Variants in SLC39A11 observed in about 807,000 individuals in gnomAD.
SLC39A11 encodes the protein solute carrier family 39 member 11, also known as zinc transporter ZIP11.
In SLC39A11, 33 loss-of-function variants were observed where a neutral mutation model predicts 36.1. The ratio of observed to expected loss-of-function variants is 0.91; its 90% CI spans 0.69 to 1.22. The LOEUF (loss-of-function observed/expected upper bound fraction) is 1.22, where lower values mean the gene tolerates loss of function less well. SLC39A11 is among the 50% of genes most tolerant of loss of function. The pLI is 0.00. For synonymous variants in SLC39A11, 166 were observed against 170.3 expected (o/e 0.97, Z 0.20); for missense variants, 432 against 430.3 (o/e 1.00, Z -0.03).
At chr17:72,981,929 A>G (rs778402566) in intron 4 of SLC39A11, among the ~76,000 whole-genome samples, 12 of 152,212 alleles carry the variant, frequency 7.9e-5, no homozygotes, top group African/African-American at 1.4e-4. Flanking sequence ...ACACGTGGAA[A>G]GATGCTAAGC....
At chr17:72,934,414 C>T (rs1309024078) in intron 5 of SLC39A11, among the ~76,000 whole-genome samples, 1 of 152,150 alleles carries the variant, frequency 6.6e-6, no homozygotes, top group Non-Finnish European at 1.5e-5. Flanking sequence ...ACTTGTAGTT[C>T]CAGCACTTTG....
rs373040284 is a variant in SLC39A11, at chr17:72,993,525, G to A, written c.306+38031C>T. 7.9e-5 allele frequency among the ~76,000 whole-genome samples: 12 copies of A among 152,284 alleles called. No homozygotes were observed. The East Asian group carries it at 1.5e-3, about 20-fold the overall frequency. ...CTTCGCCTGGGAGCATTTTTGCAAAGGGTATATGGTAGATTACAATTTTGG... is the reference window on the plus strand; with the variant it reads ...CTTCGCCTGGGAGCATTTTTGCAAAAGGTATATGGTAGATTACAATTTTGG... On this transcript the variant is annotated intron_variant, in intron 4 of 9. Coordinates refer to ENST00000255559, the MANE Select transcript of SLC39A11 (RefSeq NM_139177.4).
intron 4 of SLC39A11, among the ~76,000 whole-genome samples, chr17:72,962,543 T>A (rs1412049063): frequency 6.6e-6 from 1 of 151,014 alleles, no homozygotes; most frequent in Non-Finnish European, 1.5e-5. Context: ...TTTTTGCTAA[T>A]TTTTTTTTTC....
intron 5 of SLC39A11, among the ~76,000 whole-genome samples, chr17:72,908,356 G>A (rs968408576): frequency 1.3e-5 from 2 of 152,200 alleles, no homozygotes; most frequent in Admixed American, 1.3e-4. Context: ...TTTGGGGGTA[G>A]GTAAAGTCTT....
chr17:72,780,525 G>A (rs759230607), intron 6 of SLC39A11, among the ~76,000 whole-genome samples: 1 of 122,962 alleles, frequency 8.1e-6, no homozygotes, highest in African/African-American at 3.5e-5. Flanking sequence ...GAAGATGGGG[G>A]GCGGGTGGGG....
intron 3 of SLC39A11, among the ~76,000 whole-genome samples, chr17:73,081,768 C>CACATAT (rs2060542300): frequency 5.0e-5 from 4 of 79,364 alleles, no homozygotes; most frequent in East Asian, 3.1e-4. Flanking sequence ...TGGGTATATA[C>CACATAT]ATATATATAT....
At chr17:72,882,702 T>C (rs1000881556) in intron 5 of SLC39A11, among the ~76,000 whole-genome samples, 1 of 152,174 alleles carries the variant, frequency 6.6e-6, no homozygotes, top group Non-Finnish European at 1.5e-5. Context: ...ACTCTAATCA[T>C]TGGCAAGGAA....
chr17:72,737,793 C>A (rs2074495554), intron 6 of SLC39A11, among the ~76,000 whole-genome samples: 1 of 152,110 alleles, frequency 6.6e-6, no homozygotes, highest in South Asian at 2.1e-4. Flanking sequence ...AAACGCCCAT[C>A]CCTAGATCCA....
At chr17:72,933,230 G>A (rs565755706) in intron 5 of SLC39A11, among the ~76,000 whole-genome samples, 29 of 152,290 alleles carry the variant, frequency 1.9e-4, no homozygotes, top group African/African-American at 7.0e-4. Flanking sequence ...TAGTGAGGTT[G>A]GAGGATACAG....
At chr17:72,954,832 C>T (rs1005609773) in intron 4 of SLC39A11, among the ~76,000 whole-genome samples, 2 of 152,196 alleles carry the variant, frequency 1.3e-5, no homozygotes, top group African/African-American at 4.8e-5. Context: ...AGCTAAGAAG[C>T]AAACAGGGAC....
chr17:72,717,084 A>G (rs2073429262), intron 7 of SLC39A11, among the ~76,000 whole-genome samples: 1 of 147,166 alleles, frequency 6.8e-6, no homozygotes, highest in Non-Finnish European at 1.5e-5. Context: ...AAGTATATGT[A>G]TATATGTATA....
chr17:73,052,611 G>A (rs759370163), intron 3 of SLC39A11, among the ~76,000 whole-genome samples: 2 of 152,136 alleles, frequency 1.3e-5, no homozygotes, highest in Non-Finnish European at 2.9e-5. Flanking sequence ...TCCAAACTGA[G>A]AAACTGCAGA....
intron 4 of SLC39A11, among the ~76,000 whole-genome samples, chr17:72,987,872 T>C (rs942388246): frequency 6.6e-6 from 1 of 152,156 alleles, no homozygotes; most frequent in Non-Finnish European, 1.5e-5. Context: ...CTTCTTCCCA[T>C]GTTCTCGTCC....
chr17:72,766,589 T>C (rs1394109443), intron 6 of SLC39A11, among the ~76,000 whole-genome samples: 1 of 152,162 alleles, frequency 6.6e-6, no homozygotes, highest in African/African-American at 2.4e-5. Flanking sequence ...TGGCTCTTTC[T>C]CTCTCCTTTC....
rs541087848 is a variant in SLC39A11, at chr17:72,798,087, G to A, written c.601+51547C>T. Among the ~76,000 whole-genome samples the A allele has an allele frequency of 5.2e-4, 79 of 152,236 alleles. No homozygotes were observed. The South Asian group carries it at 0.016, about 30-fold the overall frequency. On this transcript the variant is annotated intron_variant, in intron 6 of 9. Coordinates refer to ENST00000255559, the MANE Select transcript of SLC39A11 (RefSeq NM_139177.4). Reference sequence around the variant, plus strand: ...CTGAGCCTTCCCGTTTGGGCACGTGGAGATGGGTGTATCACTAGGAGAAGT... The same window carrying A: ...CTGAGCCTTCCCGTTTGGGCACGTGAAGATGGGTGTATCACTAGGAGAAGT...
chr17:72,743,669 G>C lies in SLC39A11; in HGVS notation c.602-6950C>G, dbSNP rs115931333. 5.1e-3 allele frequency among the ~76,000 whole-genome samples: 776 copies of C among 152,256 alleles called. 5 individuals are homozygous for C. The highest frequency in any genetic ancestry group is 0.018 in the African/African-American group (743 of 41,546). On this transcript the variant is annotated intron_variant, in intron 6 of 9. Coordinates refer to ENST00000255559, the MANE Select transcript of SLC39A11 (RefSeq NM_139177.4). ...GCTCATGAGAAGGCAGGACACGTTAGTTATGCATGCAGAAGGAACACCAAA... is the reference window on the plus strand; with the variant it reads ...GCTCATGAGAAGGCAGGACACGTTACTTATGCATGCAGAAGGAACACCAAA...
chr17:73,083,781 G>C (rs1304873344), intron 3 of SLC39A11, among the ~76,000 whole-genome samples: 1 of 152,076 alleles, frequency 6.6e-6, no homozygotes, highest in Non-Finnish European at 1.5e-5. Context: ...ATGCAATATA[G>C]AAACCTTGTT....
At chr17:72,940,818 T>C (rs1306068592) in intron 5 of SLC39A11, among the ~76,000 whole-genome samples, 1 of 152,212 alleles carries the variant, frequency 6.6e-6, no homozygotes, top group Non-Finnish European at 1.5e-5. Context: ...TCAGCGCAAC[T>C]ATGGCCTGAA....
At chr17:72,865,859 C>T (rs576644365) in intron 5 of SLC39A11, among the ~76,000 whole-genome samples, 21 of 152,260 alleles carry the variant, frequency 1.4e-4, no homozygotes, top group Admixed American at 1.2e-3. Flanking sequence ...CGAACCCACT[C>T]GAACAACTAC....
Sources: allele counts gnomAD v4.1 joint callset (sites outside exome capture counted in the v4.1 genomes callset), GRCh38; gene constraint gnomAD v4.1.1; transcripts MANE v1.5; gene names NCBI Gene and HGNC (gene_info 2026-07-23, HGNC 2026-07-21).